Variants in SLC7A9 observed in about 807,000 individuals in gnomAD.
SLC7A9 encodes solute carrier family 7 member 9.
Under a neutral mutation model 54.1 loss-of-function variants are expected in SLC7A9, and 38 were observed. The ratio of observed to expected loss-of-function variants is 0.70; its 90% confidence interval spans 0.54 to 0.92. The LOEUF (loss-of-function observed/expected upper bound fraction) is 0.92. Among genes scored for constraint, SLC7A9 ranks in the 40% least tolerant of loss-of-function variants. SLC7A9 has a pLI of 0.00. For missense variants in SLC7A9, 537 were observed against 636.1 expected (o/e 0.84, Z 1.68); for synonymous variants, 264 against 258.9 (o/e 1.02, Z -0.19).
At position 32,843,858 on chromosome 19, in the gene SLC7A9, A is replaced by C; in HGVS notation, c.1071T>G (p.Phe357Leu). The C allele has an allele frequency of 6.2e-7, 1 of 1,612,388 alleles. No homozygotes were observed. The highest frequency in any genetic ancestry group is 8.5e-7 in the Non-Finnish European group (1 of 1,178,516). The change falls in exon 10 of 13, where the codon TTT becomes TTG. Residue 357 changes from phenylalanine (F) to leucine (L), a missense_variant. By Grantham distance (22) the Phe-to-Leu change is conservative. Coordinates refer to ENST00000023064, the MANE Select transcript of SLC7A9 (RefSeq NM_014270.5). ...RRLTPAPAII[F>L]YGIIATIYII... ...TGGTAGCGGGATTTGTACTCACATA[A>C]AAGATGATGGCGGGGGCTGGAGTGA...
chr19:32,858,300 C>T (rs775067057), intron 9 of SLC7A9, 140 bp downstream of exon 9: 7 of 684,476 alleles, frequency 1.0e-5, no homozygotes, highest in African/African-American at 1.8e-5. Context: ...CATCCCTTCT[C>T]TGGATTTGGG....
At chr19:32,834,495 T>C (rs1342388986) in intron 11 of SLC7A9, among the ~76,000 whole-genome samples, 1 of 152,028 alleles carries the variant, frequency 6.6e-6, no homozygotes, top group African/African-American at 2.4e-5. Flanking sequence ...CCGGGCGTGA[T>C]GGCAGATGCC....
intron 9 of SLC7A9, among the ~76,000 whole-genome samples, chr19:32,845,079 G>C (rs548741235): frequency 6.6e-6 from 1 of 150,718 alleles, no homozygotes; most frequent in Non-Finnish European, 1.5e-5. Flanking sequence ...CAGGAGAATC[G>C]CTTGAACCCG....
At chr19:32,832,203 C>T (rs899200978) in intron 12 of SLC7A9, among the ~76,000 whole-genome samples, 1 of 151,908 alleles carries the variant, frequency 6.6e-6, no homozygotes, top group African/African-American at 2.4e-5. Flanking sequence ...GCAGGAAAAT[C>T]GCTTGAACGT....
intron 1 of SLC7A9, 30 bp from the exon 2 acceptor site, chr19:32,868,675 C>G: frequency 1.4e-6 from 1 of 730,892 alleles, no homozygotes; most frequent in Non-Finnish European, 2.5e-6. Context: ...GTTATTGCTG[C>G]AGGTGGGGGC....
chr19:32,851,213 C>A (rs1256538854), intron 9 of SLC7A9, among the ~76,000 whole-genome samples: 22 of 151,686 alleles, frequency 1.5e-4, no homozygotes, highest in East Asian at 9.7e-4. Context: ...ACAGCAAAAG[C>A]AACTACCATC....
chr19:32,855,665 G>A (rs1468654253), intron 9 of SLC7A9, among the ~76,000 whole-genome samples: 2 of 151,888 alleles, frequency 1.3e-5, no homozygotes, highest in Non-Finnish European at 2.9e-5. Context: ...TCATGCCACT[G>A]CACTCCAGCC....
rs898101101 is a variant in SLC7A9 at position 32,864,885 on chromosome 19, T to C, written c.88-109A>G. On this transcript the variant is annotated intron_variant, in intron 2 of 12. Transcript: ENST00000023064. The stretch of plus-strand genomic sequence containing the variant: ...CCAGGGCGGCCCCAGCCAAAGCCCA[T>C]GTCCCAGGCGCTTCCACCCTGAGCG... The C allele has an allele frequency of 3.0e-4, 437 of 1,449,180 alleles. 2 individuals are homozygous for C. The highest frequency in any genetic ancestry group is 4.0e-4 in the Middle Eastern group (2 of 4,964). The allele number at this position is 1,449,180 out of a possible 1,614,324, so 89.8% of individuals were successfully genotyped here.
At chr19:32,864,013 C>G (rs1425672978) in intron 4 of SLC7A9, 83 bp downstream of exon 4, 6 of 1,602,282 alleles carry the variant, frequency 3.7e-6, no homozygotes, top group Non-Finnish European at 5.1e-6. Flanking sequence ...CAGAGACTCA[C>G]TGGGGAGGAG....
intron 11 of SLC7A9, 100 bp from the exon 12 acceptor site, chr19:32,833,423 C>T (rs1237752116): frequency 2.0e-6 from 2 of 977,386 alleles, no homozygotes; most frequent in Admixed American, 2.0e-5. Flanking sequence ...CCATGTACCC[C>T]CTCCTCCAAT....
intron 1 of SLC7A9, among the ~76,000 whole-genome samples, chr19:32,869,040 T>G (rs1396334058): frequency 1.4e-5 from 2 of 143,948 alleles, no homozygotes; most frequent in Non-Finnish European, 3.0e-5. Context: ...GAACCCCGTC[T>G]CTACTAAAAA....
intron 11 of SLC7A9, among the ~76,000 whole-genome samples, chr19:32,839,990 T>C (rs1599656209): frequency 6.6e-6 from 1 of 152,184 alleles, no homozygotes; most frequent in Non-Finnish European, 1.5e-5. Context: ...TTTGGGATTC[T>C]GTTACTTGCA....
At position 32,862,149 on chromosome 19, in the gene SLC7A9, A is replaced by G. The variant is rs1968817078; in HGVS notation, c.673T>C (p.Phe225Leu). The part of the protein sequence containing the change: ...QLSVGAISLA[F>L]YNGLWAYDGW... ...TCATAGGCCCAGAGTCCATTGTAAA[A>G]CGCCAGGCTGATGGCTCCCACAGAC... The change falls in exon 6 of 13, where the codon TTT becomes CTT. Residue 225 changes from phenylalanine (F) to leucine (L), a missense_variant. Coordinates refer to ENST00000023064, the MANE Select transcript of SLC7A9 (RefSeq NM_014270.5). 6.2e-7 allele frequency: 1 copy of G among 1,613,398 alleles called. No individual in the cohort carries two copies.
At position 32,858,478 on chromosome 19, in the gene SLC7A9, G is replaced by A. The variant is rs1439595462; in HGVS notation, c.939C>T (p.Thr313=). ...WIVPLFVAFS[T]IGAANGTCFT... ...AGCAGGTCCCGTTAGCAGCACCGAT[G>A]GTTGAAAATGCCACAAAAAGTGGAA... The change falls in exon 9 of 13, where the codon ACC becomes ACT. Residue 313 remains threonine, a synonymous_variant. Coordinates refer to ENST00000023064, the MANE Select transcript of SLC7A9 (RefSeq NM_014270.5). The A allele has an allele frequency of 1.2e-5, 19 of 1,613,608 alleles. No individual in the cohort carries two copies. Among genetic ancestry groups the A allele is most frequent in the East Asian group, 2.2e-5 (1 of 44,874 alleles).
At chr19:32,837,164 C>A (rs545322796) in intron 11 of SLC7A9, among the ~76,000 whole-genome samples, 177 of 152,196 alleles carry the variant, frequency 1.2e-3, no homozygotes, top group African/African-American at 4.1e-3. Context: ...AAGAACCCCC[C>A]AGGCCTGTGT....
chr19:32,844,963 G>A (rs1968242616), intron 9 of SLC7A9, among the ~76,000 whole-genome samples: 1 of 141,654 alleles, frequency 7.1e-6, no homozygotes, highest in Non-Finnish European at 1.5e-5. Context: ...AGAAGTTCAA[G>A]ACCAGTCTGG....
chr19:32,840,106 G>A (rs1192302043), intron 11 of SLC7A9, among the ~76,000 whole-genome samples: 1 of 151,728 alleles, frequency 6.6e-6, no homozygotes, highest in Non-Finnish European at 1.5e-5. Flanking sequence ...TTCTACTTCT[G>A]TCTGATATTT....
At position 32,833,281 on chromosome 19, in the gene SLC7A9, A is replaced by C. The variant is rs913172054; in HGVS notation, c.1267T>G (p.Phe423Val). Reference sequence around the variant, plus strand: ...CTGATGATTGGAGCCAGAACCAAAAACACAGAGATGAGTGTCATCAAGACG... The same window carrying C: ...CTGATGATTGGAGCCAGAACCAAAACCACAGAGATGAGTGTCATCAAGACG... ...IPVLMTLISV[F>V]LVLAPIISKP... Residue 423 changes from phenylalanine (F) to valine (V), a missense_variant, in exon 12 of 13, where the codon TTT (phenylalanine) becomes GTT (valine). Physicochemically the swap from Phe to Val is conservative, Grantham distance 50. Transcript: ENST00000023064. 1.2e-6 allele frequency: 2 copies of C among 1,614,118 alleles called. No homozygotes were observed. The highest frequency in any genetic ancestry group is 1.7e-6 in the Non-Finnish European group (2 of 1,180,000).
chr19:32,834,830 G>A (rs543826750), intron 11 of SLC7A9, among the ~76,000 whole-genome samples: 5 of 151,994 alleles, frequency 3.3e-5, no homozygotes, highest in South Asian at 2.1e-4. Flanking sequence ...TCGCTCTGTC[G>A]CTCAGGCTGG....
Sources: allele counts gnomAD v4.1 joint callset (sites outside exome capture counted in the v4.1 genomes callset), GRCh38; gene constraint gnomAD v4.1.1; transcripts MANE v1.5; gene names NCBI Gene and HGNC (gene_info 2026-07-23, HGNC 2026-07-21).